CLCN4: variants seen among roughly 807,000 people sequenced by gnomAD.
CLCN4 encodes the protein Cl-/H+ antiporter 4.
Under a neutral mutation model 41.7 loss-of-function variants are expected in CLCN4, and 1 was observed. The ratio of observed to expected loss-of-function variants is 0.02; its 90% CI spans 0.01 to 0.11. The LOEUF (loss-of-function observed/expected upper bound fraction) is 0.11, where lower values mean the gene tolerates loss of function less well. CLCN4 is among the 10% of genes least tolerant of loss of function. The pLI is 1.00. For synonymous variants in CLCN4, 277 were observed against 285.8 expected, an observed-to-expected ratio of 0.97 and a Z score of 0.31; for missense variants, 287 against 661.0, an observed-to-expected ratio of 0.43 and a Z score of 6.20.
rs767240677 is a variant in CLCN4 at position 10,187,532 on chromosome X, G to A, written c.162G>A (p.Lys54=). Residue 54 remains lysine, a synonymous_variant, in exon 4 of 13, where the codon AAG becomes AAA. Coordinates refer to ENST00000380833, the MANE Select transcript of CLCN4 (RefSeq NM_001830.4). ...TGTTCTAGATCACCAGCAAGAGCAAGGAGTCCATATGGGAGTTCATCAAGA... is the reference window on the plus strand; with the variant it reads ...TGTTCTAGATCACCAGCAAGAGCAAAGAGTCCATATGGGAGTTCATCAAGA... ...DRHRKITSKS[K]ESIWEFIKSL... The A allele has an allele frequency of 1.7e-6, 2 of 1,206,549 alleles. No individual in the cohort carries two copies. The highest frequency in any genetic ancestry group is 2.2e-6 in the Non-Finnish European group (2 of 892,046).
At chrX:10,217,887 C>T (rs1041351142) in intron 11 of CLCN4, among the ~76,000 whole-genome samples, 1 of 110,778 alleles carries the variant, frequency 9.0e-6, no homozygotes, top group Non-Finnish European at 1.9e-5. Flanking sequence ...GGACTACAGG[C>T]GCATGCCACC....
intron 11 of CLCN4, among the ~76,000 whole-genome samples, chrX:10,216,313 A>C (rs1924703099): frequency 1.8e-5 from 2 of 112,224 alleles, no homozygotes; most frequent in South Asian, 7.4e-4. Flanking sequence ...TTTGTTAGAG[A>C]GCACGTCGTT....
At position 10,187,473 on chromosome X, in the gene CLCN4, G is replaced by A. The variant is rs188033970; in HGVS notation, c.145-42G>A. On this transcript the variant is annotated intron_variant, in intron 3 of 12. Coordinates refer to ENST00000380833, the MANE Select transcript of CLCN4 (RefSeq NM_001830.4). The stretch of plus-strand genomic sequence containing the variant: ...GTTTCAAGGAAAAAAGCATGAATTC[G>A]AAAATGCATTCGGATCAGTTGCTGT... The A allele has an allele frequency of 1.6e-3, 1,586 of 1,007,240 alleles. 18 individuals are homozygous for A. The African/African-American group carries it at 0.027, about 17-fold the overall frequency. 83.0% of individuals were successfully genotyped at this position (1,007,240 alleles called of 1,213,427 possible).
intron 12 of CLCN4, among the ~76,000 whole-genome samples, chrX:10,222,773 G>A (rs1390625191): frequency 8.9e-6 from 1 of 112,006 alleles, no homozygotes; most frequent in Admixed American, 9.5e-5. Context: ...CTGGTAGCAA[G>A]CACACAGGGG....
chrX:10,183,503 T>C (rs1923736149), intron 2 of CLCN4, among the ~76,000 whole-genome samples: 1 of 112,633 alleles, frequency 8.9e-6, no homozygotes, highest in Non-Finnish European at 1.9e-5. Context: ...CCAGCACTTT[T>C]GTGGTCCTCA....
intron 11 of CLCN4, among the ~76,000 whole-genome samples, chrX:10,216,137 G>A (rs905983439): frequency 5.4e-5 from 6 of 111,872 alleles, no homozygotes; most frequent in African/African-American, 2.0e-4. Context: ...AGAGGAATTG[G>A]GAGCAAAGAT....
At chrX:10,220,329 A>G (rs767622249) in intron 11 of CLCN4, among the ~76,000 whole-genome samples, 3 of 112,142 alleles carry the variant, frequency 2.7e-5, no homozygotes, top group Admixed American at 9.4e-5. Flanking sequence ...GAGCGTAAGG[A>G]AAGCCAGAGT....
chrX:10,162,168 G>A (rs772655994), intron 2 of CLCN4, among the ~76,000 whole-genome samples: 6 of 110,421 alleles, frequency 5.4e-5, no homozygotes, highest in South Asian at 3.9e-4. Flanking sequence ...ACAGGGACAC[G>A]CCACCACGGC....
intron 4 of CLCN4, among the ~76,000 whole-genome samples, chrX:10,192,776 G>A (rs1382176254): frequency 2.7e-5 from 3 of 112,439 alleles, no homozygotes; most frequent in African/African-American, 9.7e-5. Context: ...TCCTGCAGCA[G>A]TCCAGCCAGC....
chrX:10,226,853 A>C (rs1055740853), intron 12 of CLCN4, among the ~76,000 whole-genome samples: 3 of 111,258 alleles, frequency 2.7e-5, no homozygotes, highest in Non-Finnish European at 3.8e-5. Context: ...AACCAGGAAG[A>C]AGTTGAACCC....
chrX:10,180,154 T>C (rs1236927306), intron 2 of CLCN4, among the ~76,000 whole-genome samples: 4 of 112,352 alleles, frequency 3.6e-5, no homozygotes, highest in Non-Finnish European at 1.9e-5. Flanking sequence ...ATCCTTATTT[T>C]TTTTCTTGAT....
rs759956491 is a variant in CLCN4, at chrX:10,208,201, C to G, written c.1000C>G (p.Pro334Ala). ...GCCCTGGTACATGGCTGAACTCTTC[C>G]CCTTCATCCTGCTTGGGGTCTTCGG... ...HTPWYMAELFPFILLGVFGGL... is the reference protein window; with the variant it reads ...HTPWYMAELFAFILLGVFGGL... Residue 334 changes from proline (P) to alanine (A), a missense_variant, in exon 9 of 13, where the codon CCC (proline) becomes GCC (alanine). Coordinates refer to ENST00000380833, the MANE Select transcript of CLCN4 (RefSeq NM_001830.4). The G allele has an allele frequency of 8.3e-7, 1 of 1,211,462 alleles. No individual in the cohort carries two copies. Among genetic ancestry groups the G allele is most frequent in the East Asian group, 3.0e-5 (1 of 33,829 alleles).
intron 2 of CLCN4, among the ~76,000 whole-genome samples, chrX:10,161,427 T>C (rs1923098596): frequency 8.9e-6 from 1 of 111,908 alleles, no homozygotes; most frequent in Non-Finnish European, 1.9e-5. Flanking sequence ...TTCAACAAGG[T>C]AATATCATGA....
chrX:10,210,769 C>T (rs1288368287), intron 9 of CLCN4, among the ~76,000 whole-genome samples: 1 of 103,707 alleles, frequency 9.6e-6, no homozygotes, highest in African/African-American at 3.5e-5. Flanking sequence ...GATCCTCCTG[C>T]CTCAGCCCAC....
intron 2 of CLCN4, among the ~76,000 whole-genome samples, chrX:10,159,495 C>T (rs752293638): frequency 9.1e-6 from 1 of 110,068 alleles, no homozygotes; most frequent in Admixed American, 9.7e-5. Flanking sequence ...ACAGCCAGGA[C>T]GTGTGGGGGC....
In CLCN4 at chrX:10,234,382, A is replaced by T. The variant is rs747502297; in HGVS notation, c.*798A>T. On this transcript the variant is annotated 3_prime_UTR_variant, in exon 13 of 13. Coordinates refer to ENST00000380833, the MANE Select transcript of CLCN4 (RefSeq NM_001830.4). ...TATACTCACCCGATCATTGATTTGC[A>T]TCCCCATGGCATTTGCTTCATTTAT... 1 of 113,082 alleles carries T rather than the reference A, an allele frequency of 8.8e-6. No homozygotes were observed. The highest frequency in any genetic ancestry group is 1.9e-5 in the Non-Finnish European group (1 of 53,370). 9.3% of individuals were successfully genotyped at this position (113,082 alleles called of 1,213,427 possible). A position where few individuals can be genotyped will look rare whatever the true frequency, so the allele number is the denominator to read the frequency against.
chrX:10,222,105 G>T (rs1924875794), intron 12 of CLCN4, among the ~76,000 whole-genome samples: 1 of 112,936 alleles, frequency 8.9e-6, no homozygotes, highest in African/African-American at 3.2e-5. Flanking sequence ...ATTGGAGAAT[G>T]GAGAGATTTG....
At chrX:10,202,387 C>T (rs1924260584) in intron 6 of CLCN4, among the ~76,000 whole-genome samples, 1 of 110,519 alleles carries the variant, frequency 9.0e-6, no homozygotes, top group Admixed American at 9.6e-5. Flanking sequence ...GCACGAGAAT[C>T]GCTTGAACCT....
chrX:10,172,822 T>C (rs1923418231), intron 2 of CLCN4, among the ~76,000 whole-genome samples: 1 of 112,183 alleles, frequency 8.9e-6, no homozygotes, highest in Non-Finnish European at 1.9e-5. Context: ...GCCTCAAACA[T>C]TCATGCCAGA....
Sources: gnomAD v4.1 joint callset for allele counts (sites outside exome capture counted in the v4.1 genomes callset) on GRCh38, gnomAD v4.1.1 for gene constraint, MANE v1.5 for transcripts, NCBI Gene and HGNC (gene_info 2026-07-23, HGNC 2026-07-21) for gene names.